Variants in CCDC183 observed in about 807,000 individuals in gnomAD.
The protein encoded by CCDC183 is coiled-coil domain containing 183.
CCDC183 carries 63 observed loss-of-function variants against 65.2 expected under a neutral mutation model. That is an observed-to-expected ratio of 0.97 (90% CI 0.79 to 1.19). CCDC183 has a LOEUF of 1.19. Among genes scored for constraint, CCDC183 ranks in the 50% most tolerant of loss-of-function variants. CCDC183 has a pLI of 0.00. For synonymous variants in CCDC183, 323 were observed against 276.5 expected, an observed-to-expected ratio of 1.17 and a Z score of -1.67; for missense variants, 769 against 689.3, an observed-to-expected ratio of 1.12 and a Z score of -1.30.
rs1847730914 is a variant in CCDC183, at chr9:136,801,096, G to C, written c.543+603G>C. Among the ~76,000 whole-genome samples, 3 of 152,192 alleles carry C rather than the reference G, an allele frequency of 2.0e-5. No individual in the cohort carries two copies. The South Asian group carries it at 6.2e-4, about 32-fold the overall frequency. On this transcript the variant is annotated intron_variant, in intron 5 of 13. Coordinates refer to ENST00000338005, the MANE Select transcript of CCDC183 (RefSeq NM_001039374.5). ...TGGAAACACCCTCACCCTAAGACTG[G>C]GCAAAGGGGAGCTCTGGAGAGCCAT...
At chr9:136,800,754 G>C in intron 5 of CCDC183, 2 of 457,162 alleles carry the variant, frequency 4.4e-6, no homozygotes, top group Non-Finnish European at 7.9e-6. Flanking sequence ...TTTGTATCTT[G>C]CCTGTCATTT....
In CCDC183 at chr9:136,807,074, C is replaced by T. The variant is rs1314440791; in HGVS notation, c.1486+8C>T. The T allele has an allele frequency of 1.2e-6, 2 of 1,612,344 alleles. No homozygotes were observed. The highest frequency in any genetic ancestry group is 2.2e-5 in the East Asian group (1 of 44,852). On this transcript the variant is annotated splice_region_variant and intron_variant, in intron 13 of 13. Coordinates refer to ENST00000338005, the MANE Select transcript of CCDC183 (RefSeq NM_001039374.5). ...GGGAGGAGGATATGATCGGTACAGG[C>T]CCCGGAACTGGGGCCCGGGCTGCAG...
chr9:136,800,160 G>C lies in CCDC183; in HGVS notation c.429G>C (p.Arg143=). The part of the protein sequence containing the change: ...SQPDASKEEL[R]LLQIIRQLEN... Reference sequence around the variant, plus strand: ...CCGACGCCAGCAAGGAGGAGCTGCGGCTGCTGCAGGTGGAGAGGCGGGGCT... The same window carrying C: ...CCGACGCCAGCAAGGAGGAGCTGCGCCTGCTGCAGGTGGAGAGGCGGGGCT... Residue 143 remains arginine, a synonymous_variant, in exon 4 of 14, where the codon CGG becomes CGC. Transcript: ENST00000338005. The C allele has an allele frequency of 6.5e-7, 1 of 1,532,670 alleles. No homozygotes were observed. Among genetic ancestry groups the C allele is most frequent in the Non-Finnish European group, 8.7e-7 (1 of 1,144,918 alleles). 94.9% of individuals were successfully genotyped at this position (1,532,670 alleles called of 1,614,324 possible).
intron 1 of CCDC183, among the ~76,000 whole-genome samples, chr9:136,797,420 T>C (rs976697213): frequency 4.6e-5 from 7 of 151,406 alleles, no homozygotes; most frequent in African/African-American, 1.7e-4. Context: ...CCCACTGTTC[T>C]TTCTCTATAC....
At chr9:136,802,607 C>T in intron 5 of CCDC183, 57 bp from the exon 6 acceptor site, 1 of 1,548,222 alleles carries the variant, frequency 6.5e-7, no homozygotes, top group Non-Finnish European at 8.7e-7. Context: ...GGGATAAAAG[C>T]TCGGGGCAAC....
chr9:136,796,539 GAA>G, intron 1 of CCDC183, 72 bp downstream of exon 1: 1 of 1,005,588 alleles, frequency 9.9e-7, no homozygotes, highest in Non-Finnish European at 1.5e-6. Context: ...TTTTTGTGGG[GAA>G]AAGAGAGATC....
chr9:136,807,610 C>T lies in CCDC183; in HGVS notation c.1525C>T (p.Pro509Ser). The T allele has an allele frequency of 2.5e-6, 4 of 1,605,830 alleles. No individual in the cohort carries two copies. The highest frequency in any genetic ancestry group is 1.7e-6 in the Non-Finnish European group (2 of 1,176,704). ...QFPDMDHSYV[P>S]SRAEIKRQAQ... The stretch of plus-strand genomic sequence containing the variant: ...CCCCGACATGGACCACAGCTACGTC[C>T]CTTCGCGCGCCGAGATCAAGAGGCA... The change falls in exon 14 of 14, where the codon CCT (proline) becomes TCT (serine). Residue 509 changes from proline to serine, a missense_variant. Physicochemically the swap from Pro to Ser is moderately conservative, Grantham distance 74. Coordinates refer to ENST00000338005, the MANE Select transcript of CCDC183 (RefSeq NM_001039374.5).
chr9:136,799,848 C>T (rs1847708637), intron 3 of CCDC183, 58 bp downstream of exon 3: 2 of 1,539,944 alleles, frequency 1.3e-6, no homozygotes, highest in African/African-American at 1.4e-5. Context: ...CAGCACCCCC[C>T]CACTAGATGT....
At chr9:136,803,471 G>A (rs1444360662) in intron 6 of CCDC183, among the ~76,000 whole-genome samples, 1 of 152,066 alleles carries the variant, frequency 6.6e-6, no homozygotes, top group East Asian at 1.9e-4. Context: ...GGAGAGAACT[G>A]GCCGGGCCAG....
At chr9:136,799,673 G>T in intron 2 of CCDC183, 40 bp from the exon 3 acceptor site, 1 of 1,582,562 alleles carries the variant, frequency 6.3e-7, no homozygotes, top group Non-Finnish European at 8.6e-7. Context: ...CTGCGGGTGC[G>T]CAAAGGGCCC....
intron 6 of CCDC183, 80 bp downstream of exon 6, chr9:136,802,866 G>A (rs879081841): frequency 2.4e-6 from 1 of 416,156 alleles, no homozygotes; most frequent in Admixed American, 4.1e-5. Flanking sequence ...TGAGCTCAGG[G>A]CCCAGGGCTG....
chr9:136,799,711 A>T lies in CCDC183; in HGVS notation c.193-2A>T. 1 of 1,612,632 alleles carries T rather than the reference A, an allele frequency of 6.2e-7. No individual in the cohort carries two copies. Among genetic ancestry groups the T allele is most frequent in the Non-Finnish European group, 8.5e-7 (1 of 1,179,704 alleles). ...TCTAGCTCAGCCGCCGCCGCTCCGC[A>T]GTATGACCAGTGGACCATCTCCAAG... On this transcript the variant is annotated splice_acceptor_variant, in intron 2 of 13. Coordinates refer to ENST00000338005, the MANE Select transcript of CCDC183 (RefSeq NM_001039374.5). LOFTEE classifies it high-confidence loss of function.
At chr9:136,800,635 G>A in intron 5 of CCDC183, 142 bp downstream of exon 5, 1 of 623,312 alleles carries the variant, frequency 1.6e-6, no homozygotes, top group Non-Finnish European at 2.8e-6. Context: ...GCCGAGGCAT[G>A]TGGAAAACGT....
At chr9:136,800,305 A>T in intron 4 of CCDC183, 84 bp from the exon 5 acceptor site, 6 of 1,462,938 alleles carry the variant, frequency 4.1e-6, no homozygotes, top group Middle Eastern at 1.9e-4. Flanking sequence ...AGAGAGCACG[A>T]CCCTCTCCGG....
chr9:136,802,091 A>G (rs1228613299), intron 5 of CCDC183, among the ~76,000 whole-genome samples: 1 of 152,100 alleles, frequency 6.6e-6, no homozygotes, highest in Non-Finnish European at 1.5e-5. Flanking sequence ...CCTGGCCTAT[A>G]CTTGTAGTTA....
chr9:136,804,658 C>T lies in CCDC183; in HGVS notation c.792+31C>T, dbSNP rs749753632. The T allele has an allele frequency of 6.2e-7, 1 of 1,613,062 alleles. No homozygotes were observed. Among genetic ancestry groups the T allele is most frequent in the South Asian group, 1.1e-5 (1 of 91,046 alleles). On this transcript the variant is annotated intron_variant, in intron 7 of 13. Transcript: ENST00000338005. The surrounding 1 kb of genome is among the most constrained non-coding windows in gnomAD (Gnocchi z 4.1). ...CCCCAGGCCAGGGCCTGGCTGGCTG[C>T]CCATCCCCATGACAGCTGGGTGGAC...
In CCDC183 at chr9:136,800,263, C is replaced by T. The variant is rs1425325386; in HGVS notation, c.438+94C>T. 11 of 1,420,702 alleles carry T rather than the reference C, an allele frequency of 7.7e-6. No homozygotes were observed. In the Admixed American group the frequency reaches 2.0e-4, roughly 26 times the overall value. 88.0% of individuals were successfully genotyped at this position (1,420,702 alleles called of 1,614,324 possible). A position where few individuals can be genotyped will look rare whatever the true frequency, so the allele number is the denominator to read the frequency against. On this transcript the variant is annotated intron_variant, in intron 4 of 13. Transcript: ENST00000338005. ...ACCGGGGGGCGGGACTTGCGGGTCC[C>T]CTGGGGAGGGCTCACGGGAGGGGCG...
Position 136,802,521 on chromosome 9 carries a change from G to C in CCDC183, c.544-143G>C, listed in dbSNP as rs986871787. 5.0e-6 allele frequency: 6 copies of C among 1,191,918 alleles called. No homozygotes were observed. In the Admixed American group the frequency reaches 9.8e-5, roughly 20 times the overall value. The allele number at this position is 1,191,918 out of a possible 1,614,324, so 73.8% of individuals were successfully genotyped here. ...CTGTGAAACACCTTTCATCACCGTT[G>C]TGCCCAGCGGGGAGTGGGGGAGGTG... On this transcript the variant is annotated intron_variant, in intron 5 of 13. Coordinates refer to ENST00000338005, the MANE Select transcript of CCDC183 (RefSeq NM_001039374.5).
chr9:136,802,551 G>A, intron 5 of CCDC183, 113 bp from the exon 6 acceptor site: 3 of 1,422,768 alleles, frequency 2.1e-6, no homozygotes, highest in Middle Eastern at 2.6e-4. Context: ...GAGGTGGCTG[G>A]GGCCACAGAG....
Sources: allele counts gnomAD v4.1 joint callset (sites outside exome capture counted in the v4.1 genomes callset), GRCh38; gene constraint gnomAD v4.1.1; non-coding constraint Gnocchi (gnomAD v3.1); transcripts MANE v1.5; gene names NCBI Gene and HGNC (gene_info 2026-07-23, HGNC 2026-07-21).